Variants in CRHBP observed in about 807,000 individuals in gnomAD.
CRHBP encodes the protein corticotropin releasing hormone binding protein, also known as corticotropin-releasing hormone-binding protein.
In CRHBP, 19 loss-of-function variants were observed where a neutral mutation model predicts 34.9. The observed-to-expected ratio is 0.55, with a 90% CI of 0.38 to 0.80. The LOEUF is 0.80. Ranked by LOEUF, CRHBP falls within the 30% of genes least tolerant of loss-of-function variation. CRHBP has a pLI of 0.00. For missense variants in CRHBP, 328 were observed against 409.2 expected (o/e 0.80, Z 1.71); for synonymous variants, 154 against 153.4 (o/e 1.00, Z -0.03).
rs1330182752 is a variant in CRHBP at position 76,975,834 on chromosome 5, A to AAT, written n.312-531_312-530insAT. On this transcript the variant is annotated intron_variant and non_coding_transcript_variant, in intron 2 of 3. Transcript: ENST00000514258. ...AAAAAAAAAAAAAAAAAATATATATATATATATATATACACGCATATATAT... is the reference window on the plus strand; with the variant it reads ...AAAAAAAAAAAAAAAAAATATATATAATTATATATATATACACGCATATATAT... Among the ~76,000 whole-genome samples, 153 of 101,270 alleles carry AAT rather than the reference A, an allele frequency of 1.5e-3. 9 individuals are homozygous for AAT. The highest frequency in any genetic ancestry group is 6.8e-3 in the African/African-American group (125 of 18,342). The allele number at this position is 101,270 out of a possible 152,430, so 66.4% of individuals were successfully genotyped here.
chr5:76,972,534 G>A (rs551913969), downstream of CRHBP, among the ~76,000 whole-genome samples: 3 of 152,136 alleles, frequency 2.0e-5, no homozygotes, highest in East Asian at 5.8e-4. Context: ...GTCTCACTAT[G>A]TTGCCCAAGC....
At chr5:76,965,666 C>A (rs1289716797) in intron 6 of CRHBP, among the ~76,000 whole-genome samples, 6 of 152,252 alleles carry the variant, frequency 3.9e-5, no homozygotes, top group African/African-American at 1.4e-4. Flanking sequence ...AGTGATATAA[C>A]TTGAATTAGA....
chr5:76,954,144 C>G lies in CRHBP; in HGVS notation c.291C>G (p.Tyr97Ter). The G allele has an allele frequency of 6.2e-7, 1 of 1,614,006 alleles. No homozygotes were observed. The highest frequency in any genetic ancestry group is 8.5e-7 in the Non-Finnish European group (1 of 1,179,936). The change falls in exon 3 of 7, where the codon TAC becomes TAG. Residue 97 changes from tyrosine to a stop codon, truncating the protein, a stop_gained. Coordinates refer to ENST00000274368, the MANE Select transcript of CRHBP (RefSeq NM_001882.4). LOFTEE classifies it high-confidence loss of function. ...SEPEEFITIHYDQVSIDCQGG... is the reference protein window; with the variant it reads ...SEPEEFITIH ...CCGAGGAGTTCATTACCATCCACTA[C>G]GACCAGGTCTCCATCGACTGTCAGG...
At chr5:76,953,420 TG>T in intron 1 of CRHBP, 180 bp from the exon 2 acceptor site, 2 of 855,038 alleles carry the variant, frequency 2.3e-6, no homozygotes, top group Non-Finnish European at 3.8e-6. Flanking sequence ...CTCTGGCCGC[TG>T]GGGATACCCT....
chr5:76,975,825 A>AATATATATATATATATAT (rs1217039736), intron 2 of CRHBP, among the ~76,000 whole-genome samples: 58 of 61,604 alleles, frequency 9.4e-4, no homozygotes, highest in Middle Eastern at 8.9e-3. Context: ...AAAAAAAAAA[A>AATATATATATATATATAT]ATATATATAT....
At chr5:76,962,798 C>A (rs542053081) in intron 5 of CRHBP, among the ~76,000 whole-genome samples, 2 of 152,190 alleles carry the variant, frequency 1.3e-5, no homozygotes, top group South Asian at 4.1e-4. Flanking sequence ...CTTTAACATA[C>A]TCATAATTAA....
At chr5:76,953,878 G>T in intron 2 of CRHBP, 151 bp from the exon 3 acceptor site, 1 of 1,179,962 alleles carries the variant, frequency 8.5e-7, no homozygotes, top group African/African-American at 1.6e-5. Context: ...TGGCGCGCCC[G>T]GGGCGCAGGA....
Position 76,954,148 on chromosome 5 carries a change from C to T in CRHBP, c.295C>T (p.Gln99Ter). 1 of 1,614,008 alleles carries T rather than the reference C, an allele frequency of 6.2e-7. No homozygotes were observed. Residue 99 changes from glutamine (Q) to a stop codon, truncating the protein, a stop_gained, in exon 3 of 7, where the codon CAG becomes TAG. Coordinates refer to ENST00000274368, the MANE Select transcript of CRHBP (RefSeq NM_001882.4). LOFTEE classifies it high-confidence loss of function. The part of the protein sequence containing the change: ...PEEFITIHYD[Q>*]VSIDCQGGDF... Reference sequence around the variant, plus strand: ...GGAGTTCATTACCATCCACTACGACCAGGTCTCCATCGACTGTCAGGGCGG... The same window carrying T: ...GGAGTTCATTACCATCCACTACGACTAGGTCTCCATCGACTGTCAGGGCGG...
chr5:76,975,955 C>CGT (rs1226398289), intron 2 of CRHBP, among the ~76,000 whole-genome samples: 3 of 121,482 alleles, frequency 2.5e-5, no homozygotes, highest in Non-Finnish European at 5.0e-5. Flanking sequence ...TATATATATG[C>CGT]GTGTATATAT....
intron 2 of CRHBP, among the ~76,000 whole-genome samples, chr5:76,974,946 T>G (rs530431293): frequency 3.0e-4 from 45 of 152,352 alleles, no homozygotes; most frequent in African/African-American, 1.1e-3. Context: ...AACCATGTAC[T>G]CAATCCCTCT....
intron 3 of CRHBP, among the ~76,000 whole-genome samples, chr5:76,979,751 A>AG (rs1746090544): frequency 6.6e-6 from 1 of 152,222 alleles, no homozygotes; most frequent in Non-Finnish European, 1.5e-5. Flanking sequence ...TATATGTACT[A>AG]GGAAACCAAA....
rs572783618 is a variant in CRHBP at position 76,967,374 on chromosome 5, C to A, written c.812-1354C>A. Among the ~76,000 whole-genome samples, 11 of 152,282 alleles carry A rather than the reference C, an allele frequency of 7.2e-5. No individual in the cohort carries two copies. In the East Asian group the frequency reaches 9.6e-4, roughly 13 times the overall value. On this transcript the variant is annotated intron_variant, in intron 6 of 6. Transcript: ENST00000274368. ...TATGTCATCCATTTGACTTTTATCT[C>A]AATAACTCTATTGAACTGTTTACTT...
At chr5:76,968,696 T>A in intron 6 of CRHBP, 32 bp from the exon 7 acceptor site, 1 of 1,579,616 alleles carries the variant, frequency 6.3e-7, no homozygotes, top group Non-Finnish European at 8.6e-7. Flanking sequence ...TCTAACCTGC[T>A]GGGAAACTTT....
At chr5:76,961,623 G>T (rs149710777) in intron 5 of CRHBP, among the ~76,000 whole-genome samples, 57 of 152,290 alleles carry the variant, frequency 3.7e-4, no homozygotes, top group African/African-American at 1.3e-3. Context: ...ATAGTAGGTA[G>T]GCCCTTTAAA....
Position 76,957,409 on chromosome 5 carries a change from C to G in CRHBP, c.545-1332C>G, listed in dbSNP as rs111744183. Among the ~76,000 whole-genome samples, 485 of 152,208 alleles carry G rather than the reference C, an allele frequency of 3.2e-3. 4 individuals are homozygous for G. The highest frequency in any genetic ancestry group is 5.3e-3 in the Admixed American group (81 of 15,296). ...GTATTGTAAATTTATTTATTTGAGA[C>G]GGAGTGTTGCTCTGTCACCCATGCT... On this transcript the variant is annotated intron_variant, in intron 4 of 6. Transcript: ENST00000274368.
chr5:76,977,022 C>T (rs556481119), intron 3 of CRHBP, among the ~76,000 whole-genome samples: 1 of 152,260 alleles, frequency 6.6e-6, no homozygotes, highest in South Asian at 2.1e-4. Context: ...TAGCAGAGGC[C>T]TCTATGATCC....
chr5:76,971,985 T>A (rs1334982744), downstream of CRHBP, among the ~76,000 whole-genome samples: 1 of 152,228 alleles, frequency 6.6e-6, no homozygotes, highest in Non-Finnish European at 1.5e-5. Context: ...TCTAAAATTC[T>A]GAGCATTTTT....
chr5:76,974,350 C>T (rs1002608186), downstream of CRHBP, among the ~76,000 whole-genome samples: 2 of 151,146 alleles, frequency 1.3e-5, no homozygotes, highest in Non-Finnish European at 3.0e-5. Flanking sequence ...GGGGGTTTCA[C>T]CCTATTGGCC....
downstream of CRHBP, among the ~76,000 whole-genome samples, chr5:76,972,508 A>G (rs1387137846): frequency 2.0e-5 from 3 of 151,950 alleles, no homozygotes. Flanking sequence ...AAAAAAAAAA[A>G]ATTTATAGAG....
Sources: gnomAD v4.1 joint callset for allele counts (sites outside exome capture counted in the v4.1 genomes callset) on GRCh38, gnomAD v4.1.1 for gene constraint, MANE v1.5 for transcripts, NCBI Gene and HGNC (gene_info 2026-07-23, HGNC 2026-07-21) for gene names.